Variants in PPA2 observed in about 807,000 individuals in gnomAD.
PPA2 encodes inorganic pyrophosphatase 2.
Under a neutral mutation model 49.5 loss-of-function variants are expected in PPA2, and 48 were observed. The ratio of observed to expected loss-of-function variants is 0.97; its 90% CI spans 0.77 to 1.23. PPA2 has a LOEUF of 1.23. Among genes scored for constraint, PPA2 ranks in the 50% most tolerant of loss-of-function variants. PPA2 has a pLI of 0.00. For synonymous variants in PPA2, 131 were observed against 139.9 expected (o/e 0.94, Z 0.45); for missense variants, 429 against 410.1 (o/e 1.05, Z -0.40).
chr4:105,391,728 G>GT (rs1213904241), intron 9 of PPA2, among the ~76,000 whole-genome samples: 1 of 152,152 alleles, frequency 6.6e-6, no homozygotes, highest in Non-Finnish European at 1.5e-5. Context: ...TGGACACATT[G>GT]TTTAAGAATA....
intron 5 of PPA2, 158 bp downstream of exon 5, chr4:105,446,225 G>T: frequency 1.5e-6 from 1 of 666,706 alleles, no homozygotes; most frequent in Non-Finnish European, 2.3e-6. Context: ...AAAATTTATT[G>T]ATATACTAAA....
At chr4:105,379,067 T>C (rs531959635) in intron 10 of PPA2, among the ~76,000 whole-genome samples, 3 of 152,120 alleles carry the variant, frequency 2.0e-5, no homozygotes, top group South Asian at 2.1e-4. Context: ...TGAATCTATA[T>C]ATCAACTTTA....
At chr4:105,450,598 A>ATTTTTTTTTTTTTTT (rs1560637285) in intron 3 of PPA2, among the ~76,000 whole-genome samples, 3 of 63,318 alleles carry the variant, frequency 4.7e-5, no homozygotes, top group Non-Finnish European at 9.6e-5. Context: ...CTGGTCTGGA[A>ATTTTTTTTTTTTTTT]TTCTTTTTTT....
At chr4:105,393,000 G>T (rs556095227) in intron 9 of PPA2, among the ~76,000 whole-genome samples, 1 of 152,156 alleles carries the variant, frequency 6.6e-6, no homozygotes, top group Admixed American at 6.5e-5. Flanking sequence ...AACATGGCCA[G>T]TTCAAGAAAT....
intron 2 of PPA2, 44 bp downstream of exon 2, chr4:105,456,637 C>G: frequency 6.8e-7 from 1 of 1,461,866 alleles, no homozygotes; most frequent in Non-Finnish European, 9.4e-7. Flanking sequence ...AATGGTGATA[C>G]TGGCAGTACA....
At chr4:105,449,070 A>G (rs935031579) in intron 4 of PPA2, among the ~76,000 whole-genome samples, 3 of 139,268 alleles carry the variant, frequency 2.2e-5, no homozygotes, top group African/African-American at 3.1e-5. Flanking sequence ...TACAAAAAAT[A>G]GCCGGGCGTA....
At chr4:105,419,955 CTT>C (rs35268597) in intron 7 of PPA2, among the ~76,000 whole-genome samples, 11 of 148,000 alleles carry the variant, frequency 7.4e-5, no homozygotes, top group South Asian at 4.2e-4. Flanking sequence ...CTTTTTCTTT[CTT>C]TTTTTTTTTC....
intron 4 of PPA2, among the ~76,000 whole-genome samples, chr4:105,446,902 C>G (rs539462475): frequency 6.6e-6 from 1 of 152,122 alleles, no homozygotes; most frequent in South Asian, 2.1e-4. Flanking sequence ...TAGTGAAATG[C>G]TGAAAGCCTT....
rs1416093744 is a variant in PPA2, at chr4:105,474,030, C to T, written c.21G>A (p.Leu7=). MSALLR[L]LRTGAPAAAC... ...CAGCGGCTGGGGCACCCGTGCGCAG[C>T]AGCCGCAGCAGCGCGCTCATGGCGT... Residue 7 remains leucine (L), a synonymous_variant, in exon 1 of 12, where the codon CTG becomes CTA. Transcript: ENST00000341695. 6.3e-7 allele frequency: 1 copy of T among 1,593,484 alleles called. No homozygotes were observed. The highest frequency in any genetic ancestry group is 1.7e-5 in the Admixed American group (1 of 57,688).
At chr4:105,381,926 G>T (rs1157524841) in intron 10 of PPA2, among the ~76,000 whole-genome samples, 1 of 151,908 alleles carries the variant, frequency 6.6e-6, no homozygotes, top group Non-Finnish European at 1.5e-5. Context: ...CAGAGTAATT[G>T]TTAAGTTACA....
intron 10 of PPA2, among the ~76,000 whole-genome samples, chr4:105,374,198 A>G (rs1733144166): frequency 6.6e-6 from 1 of 152,210 alleles, no homozygotes; most frequent in Non-Finnish European, 1.5e-5. Flanking sequence ...GAATGTGGAC[A>G]TCCTCTACTC....
chr4:105,461,569 C>T (rs969577409), intron 1 of PPA2, among the ~76,000 whole-genome samples: 2 of 152,148 alleles, frequency 1.3e-5, no homozygotes, highest in East Asian at 1.9e-4. Context: ...AGGGTATAAG[C>T]AGGCATAGTT....
chr4:105,467,051 T>C (rs1723334869), intron 1 of PPA2, among the ~76,000 whole-genome samples: 1 of 152,168 alleles, frequency 6.6e-6, no homozygotes, highest in South Asian at 2.1e-4. Flanking sequence ...CTTTCCCTGG[T>C]GCAGGCTGCA....
chr4:105,375,427 T>C (rs1733210670), intron 10 of PPA2, among the ~76,000 whole-genome samples: 1 of 152,034 alleles, frequency 6.6e-6, no homozygotes, highest in Non-Finnish European at 1.5e-5. Context: ...CATAAGGATG[T>C]TCATTCTCAG....
At chr4:105,384,681 T>C (rs984893985) in intron 10 of PPA2, among the ~76,000 whole-genome samples, 95 of 152,286 alleles carry the variant, frequency 6.2e-4, no homozygotes, top group African/African-American at 2.2e-3. Flanking sequence ...ACAAAACTGA[T>C]AACTTGGAGA....
intron 6 of PPA2, among the ~76,000 whole-genome samples, chr4:105,437,474 C>A (rs1439296236): frequency 6.6e-6 from 1 of 152,092 alleles, no homozygotes; most frequent in Non-Finnish European, 1.5e-5. Context: ...AACCTGGAAG[C>A]AGGCACACAA....
rs116305576 is a variant in PPA2 at position 105,445,178 on chromosome 4, T to C, written c.441+1205A>G. Among the ~76,000 whole-genome samples the C allele has an allele frequency of 3.0e-3, 453 of 152,330 alleles. 5 individuals carry two copies. The highest frequency in any genetic ancestry group is 0.011 in the African/African-American group (437 of 41,586). ...TAAATACATGCACCTTAGTTTATTC[T>C]CTAGCTCCTCTACTTACGTCTCTGT... On this transcript the variant is annotated intron_variant, in intron 5 of 11. Coordinates refer to ENST00000341695, the MANE Select transcript of PPA2 (RefSeq NM_176869.3).
chr4:105,438,768 A>T (rs1038332687), intron 5 of PPA2, among the ~76,000 whole-genome samples: 2 of 152,218 alleles, frequency 1.3e-5, no homozygotes, highest in African/African-American at 4.8e-5. Context: ...TCTAAATGGA[A>T]CTGTAGAAGT....
chr4:105,440,186 C>G (rs1009134319), intron 5 of PPA2, among the ~76,000 whole-genome samples: 1 of 152,166 alleles, frequency 6.6e-6, no homozygotes, highest in African/African-American at 2.4e-5. Flanking sequence ...CTAGATTCTA[C>G]CACAAACTAT....
Sources: allele counts gnomAD v4.1 joint callset (sites outside exome capture counted in the v4.1 genomes callset), GRCh38; gene constraint gnomAD v4.1.1; transcripts MANE v1.5; gene names NCBI Gene and HGNC (gene_info 2026-07-23, HGNC 2026-07-21).